Variants in ALMS1 observed in about 807,000 individuals in gnomAD.
The protein encoded by ALMS1 is centrosome-associated protein ALMS1.
A neutral mutation model predicts 352.2 loss-of-function variants in ALMS1; 271 were observed. The observed-to-expected ratio is 0.77, with a 90% CI of 0.70 to 0.85. The LOEUF (loss-of-function observed/expected upper bound fraction) is 0.85. Ranked by LOEUF, ALMS1 falls within the 40% of genes least tolerant of loss-of-function variation. ALMS1 has a pLI of 0.00. For synonymous variants in ALMS1, 1,865 were observed against 1,761.2 expected (o/e 1.06, Z -1.48); for missense variants, 5,445 against 4,870.7 (o/e 1.12, Z -3.51).
chr2:73,497,134 A>G (rs995321054), intron 10 of ALMS1, among the ~76,000 whole-genome samples: 6 of 152,156 alleles, frequency 3.9e-5, no homozygotes, highest in Non-Finnish European at 7.4e-5. Flanking sequence ...CTTAAAAAAT[A>G]TGCTCCTTCC....
chr2:73,409,437 A>G (rs1671034537), intron 2 of ALMS1, among the ~76,000 whole-genome samples: 1 of 152,228 alleles, frequency 6.6e-6, no homozygotes, highest in Middle Eastern at 3.4e-3. Flanking sequence ...ATTCTTCACA[A>G]GTATTCTTAA....
chr2:73,543,846 A>C (rs984245823), intron 12 of ALMS1, among the ~76,000 whole-genome samples: 5 of 152,256 alleles, frequency 3.3e-5, no homozygotes, highest in African/African-American at 1.2e-4. Context: ...AATGGCGATC[A>C]TTAAAAAGTC....
chr2:73,435,710 G>C (rs912862545), intron 7 of ALMS1, among the ~76,000 whole-genome samples: 9 of 151,782 alleles, frequency 5.9e-5, no homozygotes, highest in Non-Finnish European at 4.4e-5. Flanking sequence ...TCCTGCCTCA[G>C]CCTCCTCTGT....
intron 9 of ALMS1, among the ~76,000 whole-genome samples, chr2:73,464,787 T>C (rs1318282488): frequency 1.3e-5 from 2 of 152,122 alleles, no homozygotes; most frequent in Admixed American, 1.3e-4. Context: ...TCACAAGCAT[T>C]CTTATACACC....
chr2:73,562,077 T>C (rs1256338439), intron 15 of ALMS1, among the ~76,000 whole-genome samples: 1 of 151,990 alleles, frequency 6.6e-6, no homozygotes, highest in African/African-American at 2.4e-5. Flanking sequence ...CACAATGATA[T>C]CTGTTGTTGC....
At chr2:73,399,936 G>GT (rs1382540969) in intron 1 of ALMS1, among the ~76,000 whole-genome samples, 5,561 of 119,072 alleles carry the variant, frequency 0.047, 367 homozygotes, top group African/African-American at 0.13. Flanking sequence ...TATATTAATT[G>GT]TTTTTTTTTT....
Position 73,491,131 on chromosome 2 carries a change from A to C in ALMS1, c.9172A>C (p.Lys3058Gln). 6.2e-7 allele frequency: 1 copy of C among 1,614,178 alleles called. No individual in the cohort carries two copies. Among genetic ancestry groups the C allele is most frequent in the Non-Finnish European group, 8.5e-7 (1 of 1,180,016 alleles). Residue 3058 changes from lysine (K) to glutamine (Q), a missense_variant, in exon 10 of 23, where the codon AAG becomes CAG. Transcript: ENST00000613296. ...AACTCTTTGTCCCAAGACTTCTTCC[A>C]AGTTGGATAGTGGAACTTTAGATGA... ...HITLCPKTSSKLDSGTLDERF... is the reference protein window; with the variant it reads ...HITLCPKTSSQLDSGTLDERF...
intron 9 of ALMS1, among the ~76,000 whole-genome samples, chr2:73,460,388 T>C (rs1221707735): frequency 6.6e-6 from 1 of 152,234 alleles, no homozygotes; most frequent in Non-Finnish European, 1.5e-5. Context: ...AAATCTGTTT[T>C]AAGAATGTGG....
intron 9 of ALMS1, among the ~76,000 whole-genome samples, chr2:73,482,704 G>A (rs573098693): frequency 6.6e-6 from 1 of 152,120 alleles, no homozygotes; most frequent in Admixed American, 6.5e-5. Context: ...AATCCATCTG[G>A]TCCTGGACTC....
chr2:73,499,127 T>A (rs892313235), intron 10 of ALMS1, among the ~76,000 whole-genome samples: 1 of 152,222 alleles, frequency 6.6e-6, no homozygotes, highest in Non-Finnish European at 1.5e-5. Flanking sequence ...GTCTTTTCCA[T>A]ATAAGCCATT....
At chr2:73,598,261 G>A (rs747667856) in intron 16 of ALMS1, among the ~76,000 whole-genome samples, 3 of 152,152 alleles carry the variant, frequency 2.0e-5, no homozygotes, top group Non-Finnish European at 4.4e-5. Flanking sequence ...AGCCAGTAAA[G>A]TGACCTTATG....
chr2:73,452,691 A>T lies in ALMS1; in HGVS notation c.6164A>T (p.Asn2055Ile), dbSNP rs772187394. 18 of 1,613,756 alleles carry T rather than the reference A, an allele frequency of 1.1e-5. No individual in the cohort carries two copies. In the South Asian group the frequency reaches 1.9e-4, roughly 17 times the overall value. The change falls in exon 8 of 23, where the codon AAT (asparagine) becomes ATT (isoleucine). Residue 2055 changes from asparagine (N) to isoleucine (I), a missense_variant. Physicochemically the swap from Asn to Ile is moderately radical, Grantham distance 149. Transcript: ENST00000613296. The stretch of plus-strand genomic sequence containing the variant: ...TCCTATTCTCAAACAGTAAAGCCCA[A>T]TATTTTATTTCAACAGCAGTTGCCA... ...HSSYSQTVKP[N>I]ILFQQQLPDR...
rs554674562 is a variant in ALMS1, at chr2:73,460,893, G to C, written c.7674+5598G>C. Reference sequence around the variant, plus strand: ...CAAGGCAGCAGCGAGGCTGGGGGAGGGGCGCCTGCCATTGTGCAGGCTTGA... The same window carrying C: ...CAAGGCAGCAGCGAGGCTGGGGGAGCGGCGCCTGCCATTGTGCAGGCTTGA... On this transcript the variant is annotated intron_variant, in intron 9 of 22. Coordinates refer to ENST00000613296, the MANE Select transcript of ALMS1 (RefSeq NM_001378454.1). Among the ~76,000 whole-genome samples, 9 of 152,368 alleles carry C rather than the reference G, an allele frequency of 5.9e-5. No homozygotes were observed. In the East Asian group the frequency reaches 1.7e-3, roughly 29 times the overall value.
chr2:73,471,905 C>T (rs1420004427), intron 9 of ALMS1, among the ~76,000 whole-genome samples: 1 of 151,924 alleles, frequency 6.6e-6, no homozygotes, highest in African/African-American at 2.4e-5. Context: ...ATCCCATGTT[C>T]ACAATAGCAT....
chr2:73,529,676 G>T (rs1027727295), intron 11 of ALMS1, among the ~76,000 whole-genome samples: 4 of 152,150 alleles, frequency 2.6e-5, no homozygotes, highest in Admixed American at 6.5e-5. Flanking sequence ...TTGCAGACTT[G>T]TAGAGGTACC....
At chr2:73,561,250 A>G (rs2104070406) in intron 15 of ALMS1, among the ~76,000 whole-genome samples, 1 of 152,352 alleles carries the variant, frequency 6.6e-6, no homozygotes, top group Middle Eastern at 3.4e-3. Flanking sequence ...CTTAGATAAA[A>G]CAGAATACTT....
At chr2:73,588,930 AT>A (rs1318968574) in intron 16 of ALMS1, among the ~76,000 whole-genome samples, 2 of 152,094 alleles carry the variant, frequency 1.3e-5, no homozygotes, top group Non-Finnish European at 2.9e-5. Context: ...CAAAGCGTAA[AT>A]TTTTTTATAC....
intron 11 of ALMS1, among the ~76,000 whole-genome samples, chr2:73,529,996 C>G (rs1163697207): frequency 1.3e-5 from 2 of 152,150 alleles, no homozygotes; most frequent in Non-Finnish European, 2.9e-5. Flanking sequence ...CAGGTCCCTC[C>G]CTCAACATGT....
In ALMS1 at chr2:73,401,299, A is replaced by G. The variant is rs140569531; in HGVS notation, c.325-7323A>G. ...AAATATGATTTATTCTTCTTTTTCT[A>G]GTTTCCTAAGTTGGAAGCTTTGATA... On this transcript the variant is annotated intron_variant, in intron 1 of 22. Transcript: ENST00000613296. Among the ~76,000 whole-genome samples the G allele has an allele frequency of 5.5e-3, 835 of 151,926 alleles. 5 individuals carry two copies. The highest frequency in any genetic ancestry group is 0.019 in the South Asian group (90 of 4,818).
Sources: allele counts gnomAD v4.1 joint callset (sites outside exome capture counted in the v4.1 genomes callset), GRCh38; gene constraint gnomAD v4.1.1; transcripts MANE v1.5; gene names NCBI Gene and HGNC (gene_info 2026-07-23, HGNC 2026-07-21).